HS3ST4: variants seen among roughly 807,000 people sequenced by gnomAD.
HS3ST4 encodes heparan sulfate-glucosamine 3-sulfotransferase 4.
A neutral mutation model predicts 29.2 loss-of-function variants in HS3ST4; 17 were observed. The observed-to-expected ratio is 0.58, with a 90% confidence interval of 0.40 to 0.87. The LOEUF is 0.87. Ranked by LOEUF, HS3ST4 falls within the 40% of genes least tolerant of loss-of-function variation. HS3ST4 has a pLI of 0.00. For missense variants in HS3ST4, 627 were observed against 634.5 expected, an observed-to-expected ratio of 0.99 and a Z score of 0.13; for synonymous variants, 314 against 285.7, an observed-to-expected ratio of 1.10 and a Z score of -1.00.
chr16:25,886,191 C>A (rs1967949967), intron 1 of HS3ST4, among the ~76,000 whole-genome samples: 1 of 151,834 alleles, frequency 6.6e-6, no homozygotes, highest in Admixed American at 6.6e-5. Context: ...TGCCACCATG[C>A]CTGGCTAATT....
At chr16:25,797,098 C>G (rs1035523701) in intron 1 of HS3ST4, among the ~76,000 whole-genome samples, 4 of 152,154 alleles carry the variant, frequency 2.6e-5, no homozygotes, top group Non-Finnish European at 4.4e-5. Flanking sequence ...ATTCTATAAA[C>G]GAAGTAACTG....
chr16:25,979,552 C>T (rs1968981789), intron 1 of HS3ST4, among the ~76,000 whole-genome samples: 1 of 152,322 alleles, frequency 6.6e-6, no homozygotes, highest in East Asian at 1.9e-4. Context: ...CATGATCTGT[C>T]ACTGTCTCCT....
At chr16:25,964,614 G>T (rs7205464) in intron 1 of HS3ST4, among the ~76,000 whole-genome samples, 16,550 of 152,094 alleles carry the variant, frequency 0.11, 1,071 homozygotes, top group Middle Eastern at 0.19. Context: ...GATGGAGCTG[G>T]GTTTTGATCC....
At chr16:26,051,887 TC>T (rs1898351020) in intron 1 of HS3ST4, among the ~76,000 whole-genome samples, 1 of 62,600 alleles carries the variant, frequency 1.6e-5, no homozygotes, top group African/African-American at 6.8e-5. Context: ...CCTGCCTCCC[TC>T]CCTCCCTCCC....
chr16:25,931,935 T>C (rs963490128), intron 1 of HS3ST4, among the ~76,000 whole-genome samples: 1 of 152,094 alleles, frequency 6.6e-6, no homozygotes, highest in East Asian at 1.9e-4. Flanking sequence ...GGGGAAACAA[T>C]TCTATTGAAA....
intron 1 of HS3ST4, among the ~76,000 whole-genome samples, chr16:26,134,626 C>T (rs1000606490): frequency 6.6e-6 from 1 of 152,100 alleles, no homozygotes; most frequent in African/African-American, 2.4e-5. Context: ...TCCCAAAGTG[C>T]TGGGATTTGA....
intron 1 of HS3ST4, among the ~76,000 whole-genome samples, chr16:26,016,762 T>C (rs1404486927): frequency 1.3e-5 from 2 of 152,220 alleles, no homozygotes; most frequent in Non-Finnish European, 1.5e-5. Context: ...TATATAAAAA[T>C]CATTCAATTT....
At chr16:25,711,200 G>A (rs758287456) in intron 1 of HS3ST4, among the ~76,000 whole-genome samples, 7 of 151,928 alleles carry the variant, frequency 4.6e-5, no homozygotes, top group African/African-American at 7.3e-5. Flanking sequence ...ACTTACTGTC[G>A]TTTGGTTTAA....
intron 1 of HS3ST4, among the ~76,000 whole-genome samples, chr16:25,833,827 A>G (rs1029925013): frequency 1.3e-5 from 2 of 152,234 alleles, no homozygotes; most frequent in African/African-American, 2.4e-5. Flanking sequence ...GCATGTCCCA[A>G]TCACAGAAAG....
At chr16:25,999,897 T>TTTATA (rs1555477424) in intron 1 of HS3ST4, among the ~76,000 whole-genome samples, 1 of 131,880 alleles carries the variant, frequency 7.6e-6, no homozygotes, top group African/African-American at 2.9e-5. Flanking sequence ...TATATATATT[T>TTTATA]TATATATATA....
At position 25,915,883 on chromosome 16, in the gene HS3ST4, T is replaced by C. The variant is rs1157596664; in HGVS notation, c.735-219729T>C. Among the ~76,000 whole-genome samples, 4 of 152,310 alleles carry C rather than the reference T, an allele frequency of 2.6e-5. No homozygotes were observed. The East Asian group carries it at 7.7e-4, about 29-fold the overall frequency. ...TTAACTTCTCCAAGACTCAGTTCCATGATCTGGAAGAAAAAGAAGTTGTTG... is the reference window on the plus strand; with the variant it reads ...TTAACTTCTCCAAGACTCAGTTCCACGATCTGGAAGAAAAAGAAGTTGTTG... On this transcript the variant is annotated intron_variant, in intron 1 of 1. Transcript: ENST00000331351.
At chr16:25,777,357 T>G (rs1966848447) in intron 1 of HS3ST4, among the ~76,000 whole-genome samples, 1 of 152,120 alleles carries the variant, frequency 6.6e-6, no homozygotes, top group South Asian at 2.1e-4. Context: ...GTTGTGTGCT[T>G]TCTGTGTGTC....
At chr16:26,062,304 G>A (rs1366402135) in intron 1 of HS3ST4, among the ~76,000 whole-genome samples, 1 of 152,100 alleles carries the variant, frequency 6.6e-6, no homozygotes, top group Non-Finnish European at 1.5e-5. Flanking sequence ...ATGTCCTCTG[G>A]GCCTTAGTCT....
At chr16:25,867,479 A>G (rs1567259624) in intron 1 of HS3ST4, among the ~76,000 whole-genome samples, 3 of 152,162 alleles carry the variant, frequency 2.0e-5, no homozygotes, top group Admixed American at 6.6e-5. Context: ...CCGTGCTAGT[A>G]AGACTGATTT....
intron 1 of HS3ST4, among the ~76,000 whole-genome samples, chr16:25,933,940 T>C (rs1460806390): frequency 1.3e-5 from 2 of 152,116 alleles, no homozygotes; most frequent in East Asian, 1.9e-4. Flanking sequence ...ATCTCCAGCA[T>C]TGGAGGTCGC....
chr16:25,950,245 T>C (rs1387969747), intron 1 of HS3ST4, among the ~76,000 whole-genome samples: 3 of 152,112 alleles, frequency 2.0e-5, no homozygotes, highest in Non-Finnish European at 4.4e-5. Flanking sequence ...TCCTTTGGCC[T>C]GGGTCTTCAT....
rs181986396 is a variant in HS3ST4, at chr16:26,096,654, A to C, written c.735-38958A>C. On this transcript the variant is annotated intron_variant, in intron 1 of 1. Coordinates refer to ENST00000331351, the MANE Select transcript of HS3ST4 (RefSeq NM_006040.3). ...AGCCATTATCATACAGAATGGGCAA[A>C]AACTAGAAGCATTCCCTTTGAAAAC... Among the ~76,000 whole-genome samples the C allele has an allele frequency of 5.3e-3, 813 of 152,326 alleles. 7 individuals carry two copies. The highest frequency in any genetic ancestry group is 0.019 in the African/African-American group (783 of 41,572).
At chr16:25,777,786 A>C (rs1291277506) in intron 1 of HS3ST4, among the ~76,000 whole-genome samples, 1 of 152,136 alleles carries the variant, frequency 6.6e-6, no homozygotes, top group African/African-American at 2.4e-5. Flanking sequence ...CAAACAAAGA[A>C]ATCGAAACAG....
At chr16:26,029,256 G>A (rs576086907) in intron 1 of HS3ST4, among the ~76,000 whole-genome samples, 1 of 152,252 alleles carries the variant, frequency 6.6e-6, no homozygotes, top group South Asian at 2.1e-4. Flanking sequence ...GAAACCTGGG[G>A]GCAGGACTGG....
Sources: gnomAD v4.1 joint callset for allele counts (sites outside exome capture counted in the v4.1 genomes callset) on GRCh38, gnomAD v4.1.1 for gene constraint, MANE v1.5 for transcripts, NCBI Gene and HGNC (gene_info 2026-07-23, HGNC 2026-07-21) for gene names.